Variants in C21orf91 observed in about 807,000 individuals in gnomAD.
C21orf91 encodes protein EURL homolog.
In C21orf91, 26 loss-of-function variants were observed where a neutral mutation model predicts 32.9. That is an observed-to-expected ratio of 0.79 (90% confidence interval 0.58 to 1.10). The LOEUF is 1.10. C21orf91 is among the 50% of genes least tolerant of loss of function. The probability of loss-of-function intolerance (pLI) is 0.00; values close to 1 mark genes in which losing one functional copy is unlikely to be tolerated. For synonymous variants in C21orf91, 126 were observed against 120.4 expected (o/e 1.05, Z -0.31); for missense variants, 310 against 341.3 (o/e 0.91, Z 0.72).
At chr21:17,809,576 G>T (rs1370444943) in intron 2 of C21orf91, among the ~76,000 whole-genome samples, 1 of 152,154 alleles carries the variant, frequency 6.6e-6, no homozygotes, top group Non-Finnish European at 1.5e-5. Context: ...AAGTATATTT[G>T]TATAGCACTT....
chr21:17,801,309 C>T (rs187255840), intron 2 of C21orf91, among the ~76,000 whole-genome samples: 1 of 150,942 alleles, frequency 6.6e-6, no homozygotes, highest in Admixed American at 6.6e-5. Context: ...CTCGCTCTGT[C>T]ACCCAGGCTG....
At chr21:17,806,540 A>C (rs1241401430) in intron 2 of C21orf91, among the ~76,000 whole-genome samples, 1 of 151,932 alleles carries the variant, frequency 6.6e-6, no homozygotes, top group Non-Finnish European at 1.5e-5. Flanking sequence ...GGGTAAATAG[A>C]TGAATTAAGA....
At chr21:17,797,844 A>G (rs1055663517) in intron 2 of C21orf91, among the ~76,000 whole-genome samples, 1 of 152,062 alleles carries the variant, frequency 6.6e-6, no homozygotes, top group African/African-American at 2.4e-5. Context: ...ATATACCATA[A>G]ATAACAGAAA....
At chr21:17,810,469 T>C (rs1348018400) in intron 2 of C21orf91, 1 of 152,238 alleles carries the variant, frequency 6.6e-6, no homozygotes, top group Non-Finnish European at 1.5e-5. Context: ...AAGTTCAACA[T>C]TAATGAACAC....
At chr21:17,804,123 T>C (rs889354027) in intron 2 of C21orf91, among the ~76,000 whole-genome samples, 2 of 152,202 alleles carry the variant, frequency 1.3e-5, no homozygotes, top group Non-Finnish European at 2.9e-5. Flanking sequence ...AGTGATGATT[T>C]TGTGCTCAAT....
chr21:17,799,723 G>GT (rs1437997515), intron 2 of C21orf91, among the ~76,000 whole-genome samples: 1 of 152,040 alleles, frequency 6.6e-6, no homozygotes, highest in Non-Finnish European at 1.5e-5. Flanking sequence ...TTCGCGGCCT[G>GT]TATCTCCTGA....
Position 17,796,733 on chromosome 21 carries a change from T to G in C21orf91, c.513A>C (p.Gly171=), listed in dbSNP as rs2062521386. ...ILEQRENTDF[G]LSMLQDSGAT... ...CACCTGAATCTTGTAACATAGAAAG[T>G]CCAAAGTCTGTATTTTCCCTCTGCT... is the stretch of plus-strand genomic sequence containing the variant. Residue 171 remains glycine (G), a synonymous_variant, in exon 3 of 5, where the codon GGA becomes GGC. Coordinates refer to ENST00000284881, the MANE Select transcript of C21orf91 (RefSeq NM_001100420.2). 3 of 1,614,034 alleles carry G rather than the reference T, an allele frequency of 1.9e-6. No homozygotes were observed. The highest frequency in any genetic ancestry group is 1.3e-5 in the African/African-American group (1 of 74,922).
chr21:17,812,036 AG>A (rs1405212541), intron 2 of C21orf91, among the ~76,000 whole-genome samples: 1 of 152,156 alleles, frequency 6.6e-6, no homozygotes, highest in African/African-American at 2.4e-5. Context: ...GTTAGGCAGG[AG>A]GAAAAAAAAA....
At chr21:17,818,907 C>G (rs1481818566) in intron 1 of C21orf91, 1 of 152,302 alleles carries the variant, frequency 6.6e-6, no homozygotes, top group Non-Finnish European at 1.5e-5. Context: ...GAAGGCCGAG[C>G]GGCGGCTTCA....
At chr21:17,819,145 T>C (rs909892363) in intron 1 of C21orf91, 158 bp downstream of exon 1, 2 of 150,014 alleles carry the variant, frequency 1.3e-5, no homozygotes, top group African/African-American at 5.0e-5. Flanking sequence ...CCCCAGGGAG[T>C]CGCGGACCCA....
intron 2 of C21orf91, among the ~76,000 whole-genome samples, chr21:17,798,620 G>C (rs1270479272): frequency 2.0e-5 from 3 of 152,086 alleles, no homozygotes; most frequent in African/African-American, 4.8e-5. Flanking sequence ...TTGTGAGCAC[G>C]TATACATTTC....
intron 2 of C21orf91, among the ~76,000 whole-genome samples, chr21:17,809,778 C>T (rs2062620418): frequency 6.6e-6 from 1 of 152,056 alleles, no homozygotes; most frequent in East Asian, 1.9e-4. Flanking sequence ...ATTTCTGACA[C>T]TTAGTAGTTG....
chr21:17,801,460 C>G (rs1415729880), intron 2 of C21orf91, among the ~76,000 whole-genome samples: 2 of 152,022 alleles, frequency 1.3e-5, no homozygotes, highest in South Asian at 2.1e-4. Context: ...TTAGTAGAGA[C>G]GGGGTTTCAC....
chr21:17,793,578 A>C lies in C21orf91; in HGVS notation c.731T>G (p.Val244Gly). The change falls in exon 5 of 5, where the codon GTT becomes GGT. Residue 244 changes from valine to glycine, a missense_variant. Val to Gly is a moderately radical substitution (Grantham distance 109, BLOSUM62 -3). Coordinates refer to ENST00000284881, the MANE Select transcript of C21orf91 (RefSeq NM_001100420.2). ...CACTTGGTGAGTTAACTCTTCAAAA[A>C]CTTCTGTAAAAGATTTAAAAACTTT... Reference protein sequence around the residue: ...NAKLLQQIQEVFEELTHQVQE... With the variant: ...NAKLLQQIQEGFEELTHQVQE... The C allele has an allele frequency of 6.2e-7, 1 of 1,602,996 alleles. No homozygotes were observed.
chr21:17,806,722 C>T (rs1246575602), intron 2 of C21orf91, among the ~76,000 whole-genome samples: 1 of 152,156 alleles, frequency 6.6e-6, no homozygotes, highest in African/African-American at 2.4e-5. Flanking sequence ...TACCTGTAAT[C>T]CCAGCTACTC....
intron 2 of C21orf91, among the ~76,000 whole-genome samples, chr21:17,802,263 C>CT (rs1659160037): frequency 6.6e-6 from 1 of 152,152 alleles, no homozygotes; most frequent in Non-Finnish European, 1.5e-5. Flanking sequence ...TGGGTTCAAG[C>CT]TATCATCATA....
At chr21:17,810,414 ATAGT>A (rs1485881933) in intron 2 of C21orf91, 5 of 152,242 alleles carry the variant, frequency 3.3e-5, no homozygotes, top group Non-Finnish European at 2.9e-5. Context: ...TTCTATTGAC[ATAGT>A]TAGTTTAATG....
At chr21:17,795,845 A>G (rs900871338) in intron 3 of C21orf91, among the ~76,000 whole-genome samples, 3 of 152,208 alleles carry the variant, frequency 2.0e-5, no homozygotes, top group African/African-American at 4.8e-5. Flanking sequence ...AAAAAATAGT[A>G]GTAGGTCCAA....
intron 3 of C21orf91, 44 bp downstream of exon 3, chr21:17,796,538 A>G: frequency 6.7e-7 from 1 of 1,501,528 alleles, no homozygotes; most frequent in Admixed American, 1.9e-5. Context: ...ATGTACAAAA[A>G]TCCCAAACCA....
Sources: allele counts gnomAD v4.1 joint callset (sites outside exome capture counted in the v4.1 genomes callset), GRCh38; gene constraint gnomAD v4.1.1; transcripts MANE v1.5; gene names NCBI Gene and HGNC (gene_info 2026-07-23, HGNC 2026-07-21).